TTLL5: variants seen among roughly 807,000 people sequenced by gnomAD.
The protein encoded by TTLL5 is tubulin polyglutamylase TTLL5.
A neutral mutation model predicts 168.4 loss-of-function variants in TTLL5; 132 were observed. That is an observed-to-expected ratio of 0.78 (90% confidence interval 0.68 to 0.91). The LOEUF (loss-of-function observed/expected upper bound fraction) is 0.91, where lower values mean the gene tolerates loss of function less well. TTLL5 is among the 40% of genes least tolerant of loss of function. The pLI, the probability that TTLL5 is intolerant of heterozygous loss-of-function variation, is 0.00. For missense variants in TTLL5, 1,545 were observed against 1,581.5 expected, an observed-to-expected ratio of 0.98 and a Z score of 0.39; for synonymous variants, 546 against 558.6, an observed-to-expected ratio of 0.98 and a Z score of 0.32.
At position 75,954,377 on chromosome 14, in the gene TTLL5, C is replaced by T. The variant is rs758805767; in HGVS notation, c.3824-47C>T. The T allele has an allele frequency of 2.5e-6, 4 of 1,608,440 alleles. No individual in the cohort carries two copies. The Admixed American group carries it at 5.0e-5, about 20-fold the overall frequency. On this transcript the variant is annotated intron_variant, in intron 31 of 31. Coordinates refer to ENST00000298832, the MANE Select transcript of TTLL5 (RefSeq NM_015072.5). ...GACATTGCTGCCTGTAAGTAAAACC[C>T]CATGCTGTCATTTCATTCATTTCAT...
intron 15 of TTLL5, among the ~76,000 whole-genome samples, chr14:75,737,283 C>G (rs1420684629): frequency 2.6e-5 from 4 of 152,142 alleles, no homozygotes; most frequent in Non-Finnish European, 5.9e-5. Flanking sequence ...TGTGTGAAAC[C>G]AGTTTGTCAG....
intron 30 of TTLL5, among the ~76,000 whole-genome samples, chr14:75,890,626 G>T (rs1307811608): frequency 1.3e-5 from 2 of 152,116 alleles, no homozygotes; most frequent in Admixed American, 6.5e-5. Flanking sequence ...TGCCTAAATT[G>T]GTTCTTCTTA....
At chr14:75,739,253 T>C (rs575815998) in intron 15 of TTLL5, among the ~76,000 whole-genome samples, 1 of 152,298 alleles carries the variant, frequency 6.6e-6, no homozygotes, top group Admixed American at 6.5e-5. Context: ...AATACTTGCT[T>C]ACGTGACATA....
chr14:75,933,045 C>T (rs942704005), intron 31 of TTLL5, among the ~76,000 whole-genome samples: 6 of 152,192 alleles, frequency 3.9e-5, no homozygotes, highest in African/African-American at 1.4e-4. Flanking sequence ...TAAGTAGCCC[C>T]AATCTTCTTT....
chr14:75,745,654 A>G, intron 17 of TTLL5, 73 bp downstream of exon 17: 1 of 1,176,628 alleles, frequency 8.5e-7, no homozygotes, highest in Non-Finnish European at 1.2e-6. Flanking sequence ...ATACACTGTC[A>G]TCACTGCTCC....
intron 5 of TTLL5, among the ~76,000 whole-genome samples, chr14:75,687,480 G>A (rs1212758512): frequency 6.6e-6 from 1 of 151,998 alleles, no homozygotes; most frequent in Non-Finnish European, 1.5e-5. Context: ...CATCGTGTTG[G>A]TCAGGCTGGT....
At chr14:75,946,869 T>C (rs375503624) in intron 31 of TTLL5, among the ~76,000 whole-genome samples, 1 of 151,990 alleles carries the variant, frequency 6.6e-6, no homozygotes, top group East Asian at 1.9e-4. Context: ...CTGGCAGATA[T>C]GGATGGAAGG....
intron 12 of TTLL5, among the ~76,000 whole-genome samples, chr14:75,726,857 A>G (rs1888217324): frequency 6.6e-6 from 1 of 152,168 alleles, no homozygotes; most frequent in Admixed American, 6.5e-5. Context: ...CGATAGGATT[A>G]TTATTATTTT....
chr14:75,895,690 ACT>A (rs1287058601), intron 30 of TTLL5, among the ~76,000 whole-genome samples: 2 of 152,162 alleles, frequency 1.3e-5, no homozygotes, highest in African/African-American at 4.8e-5. Flanking sequence ...TCAAAAATAA[ACT>A]CTTAATACAT....
At chr14:75,883,807 C>T (rs2031949103) in intron 30 of TTLL5, among the ~76,000 whole-genome samples, 1 of 152,198 alleles carries the variant, frequency 6.6e-6, no homozygotes, top group Non-Finnish European at 1.5e-5. Context: ...ATTGTAATGA[C>T]TGCAGAACTC....
At chr14:75,802,586 G>A (rs1275019464) in intron 27 of TTLL5, among the ~76,000 whole-genome samples, 1 of 152,166 alleles carries the variant, frequency 6.6e-6, no homozygotes, top group African/African-American at 2.4e-5. Context: ...TTGTGTTTGT[G>A]TGTGCATGTG....
chr14:75,953,638 A>G (rs1478137169), intron 31 of TTLL5, among the ~76,000 whole-genome samples: 1 of 152,170 alleles, frequency 6.6e-6, no homozygotes, highest in Non-Finnish European at 1.5e-5. Flanking sequence ...CTTAAACTAG[A>G]TGGTGAGCAT....
At chr14:75,942,578 AC>A (rs2140198060) in intron 31 of TTLL5, among the ~76,000 whole-genome samples, 1 of 152,306 alleles carries the variant, frequency 6.6e-6, no homozygotes, top group African/African-American at 2.4e-5. Context: ...GGGTCTCTCC[AC>A]CATTCCTCTC....
At chr14:75,863,157 G>T (rs2030172868) in intron 28 of TTLL5, among the ~76,000 whole-genome samples, 1 of 152,150 alleles carries the variant, frequency 6.6e-6, no homozygotes, top group South Asian at 2.1e-4. Context: ...CAGTCATAGG[G>T]ACATAAGCTC....
At chr14:75,693,779 A>G (rs1231383790) in intron 6 of TTLL5, among the ~76,000 whole-genome samples, 1 of 152,242 alleles carries the variant, frequency 6.6e-6, no homozygotes. Flanking sequence ...GGCCATCTCT[A>G]GTTGTAAGGG....
At chr14:75,930,617 G>A (rs1055589971) in intron 31 of TTLL5, 9 of 985,188 alleles carry the variant, frequency 9.1e-6, no homozygotes, top group Admixed American at 1.2e-4. Context: ...AGAAATTCAC[G>A]GAACAAGTGG....
chr14:75,852,771 C>T (rs915817634), intron 28 of TTLL5, among the ~76,000 whole-genome samples: 1 of 152,188 alleles, frequency 6.6e-6, no homozygotes, highest in African/African-American at 2.4e-5. Flanking sequence ...TGAGTGTGAA[C>T]TCTTGGCAGG....
intron 27 of TTLL5, among the ~76,000 whole-genome samples, chr14:75,798,362 A>T (rs1392169258): frequency 6.7e-6 from 1 of 150,250 alleles, no homozygotes; most frequent in East Asian, 2.0e-4. Flanking sequence ...TAATCTTGCT[A>T]GTGGTCTGTC....
chr14:75,735,118 T>C, intron 14 of TTLL5, 77 bp from the exon 15 acceptor site: 3 of 1,342,696 alleles, frequency 2.2e-6, no homozygotes, highest in East Asian at 2.3e-5. Context: ...AGTTTGTGTA[T>C]CTAAAGAAAA....
Sources: gnomAD v4.1 joint callset for allele counts (sites outside exome capture counted in the v4.1 genomes callset) on GRCh38, gnomAD v4.1.1 for gene constraint, MANE v1.5 for transcripts, NCBI Gene and HGNC (gene_info 2026-07-23, HGNC 2026-07-21) for gene names.